LYRM4: variants seen among roughly 807,000 people sequenced by gnomAD.
LYRM4 encodes LYR motif-containing protein 4.
LYRM4 carries 9 observed loss-of-function variants against 11.7 expected under a neutral mutation model. The observed-to-expected ratio is 0.77, with a 90% CI of 0.46 to 1.34. The LOEUF is 1.34. LYRM4 is among the 40% of genes most tolerant of loss of function. The pLI is 0.00. For synonymous variants in LYRM4, 42 were observed against 40.4 expected (o/e 1.04, Z -0.15); for missense variants, 133 against 112.5 (o/e 1.18, Z -0.82).
At chr6:5,131,666 C>T (rs9502276) in intron 2 of LYRM4, among the ~76,000 whole-genome samples, 18,078 of 151,968 alleles carry the variant, frequency 0.12, 1,262 homozygotes, top group South Asian at 0.32. Context: ...AGGCTCAAAC[C>T]AGTAGATATT....
the LYRM4 span, among the ~76,000 whole-genome samples, chr6:5,083,752 A>G: frequency 6.6e-6 from 1 of 152,208 alleles, no homozygotes; most frequent in Non-Finnish European, 1.5e-5. Context: ...CAACATGGCT[A>G]AAACCCTGGC....
intron 2 of LYRM4, among the ~76,000 whole-genome samples, chr6:5,161,854 T>G (rs1287710293): frequency 6.6e-6 from 1 of 152,118 alleles, no homozygotes; most frequent in African/African-American, 2.4e-5. Flanking sequence ...TTGCAAGAGC[T>G]CTCTCTGCTG....
intron 2 of LYRM4, among the ~76,000 whole-genome samples, chr6:5,156,880 A>G (rs1365609241): frequency 6.6e-6 from 1 of 152,064 alleles, no homozygotes; most frequent in Non-Finnish European, 1.5e-5. Flanking sequence ...AAAGCTTTCA[A>G]ATCACAACAG....
intron 2 of LYRM4, among the ~76,000 whole-genome samples, chr6:5,176,489 G>C (rs1759728813): frequency 6.6e-6 from 1 of 152,190 alleles, no homozygotes; most frequent in Non-Finnish European, 1.5e-5. Context: ...CCTTTGCTGG[G>C]TTCTAAGCTT....
chr6:5,048,082 A>T, the LYRM4 span, among the ~76,000 whole-genome samples: 7 of 152,184 alleles, frequency 4.6e-5, no homozygotes, highest in South Asian at 1.5e-3. Context: ...CTTAGCCTCA[A>T]TGTCTACTAA....
intron 2 of LYRM4, among the ~76,000 whole-genome samples, chr6:5,209,504 AG>A (rs2127715492): frequency 6.6e-6 from 1 of 152,352 alleles, no homozygotes; most frequent in East Asian, 1.9e-4. Flanking sequence ...ATAAAGGTAT[AG>A]GGGAAAGTGC....
At chr6:5,086,684 T>G in the LYRM4 span, 27 of 812,316 alleles carry the variant, frequency 3.3e-5, no homozygotes, top group Non-Finnish European at 4.9e-5. Flanking sequence ...GAGGGGCGCG[T>G]GGAGGGAAAG....
chr6:5,124,906 G>A (rs1176928923), intron 2 of LYRM4, among the ~76,000 whole-genome samples: 1 of 152,250 alleles, frequency 6.6e-6, no homozygotes, highest in Non-Finnish European at 1.5e-5. Flanking sequence ...ACACTGGGTT[G>A]TGAGTATACT....
intron 2 of LYRM4, among the ~76,000 whole-genome samples, chr6:5,156,173 T>C (rs1455663582): frequency 6.6e-6 from 1 of 152,224 alleles, no homozygotes; most frequent in East Asian, 1.9e-4. Context: ...GAAGACTGTG[T>C]TCCAAAGATA....
intron 2 of LYRM4, among the ~76,000 whole-genome samples, chr6:5,171,820 A>G (rs1759446633): frequency 2.0e-5 from 3 of 152,216 alleles, no homozygotes; most frequent in Non-Finnish European, 2.9e-5. Context: ...GCAGATTTAT[A>G]CAGCATCTTT....
intron 2 of LYRM4, among the ~76,000 whole-genome samples, chr6:5,160,013 G>A (rs1279213017): frequency 2.6e-5 from 4 of 151,954 alleles, no homozygotes; most frequent in African/African-American, 7.3e-5. Flanking sequence ...TTCAGCTTAC[G>A]GCTGATCTTC....
At chr6:5,112,976 C>T (rs948763608) in intron 2 of LYRM4, 3 of 174,928 alleles carry the variant, frequency 1.7e-5, no homozygotes, top group African/African-American at 7.2e-5. Context: ...AGGGCCAGAA[C>T]ACAGATGCCA....
chr6:5,117,132 C>T (rs544730401), intron 2 of LYRM4, among the ~76,000 whole-genome samples: 1 of 152,196 alleles, frequency 6.6e-6, no homozygotes, highest in Non-Finnish European at 1.5e-5. Flanking sequence ...CAGTTCCTTC[C>T]CAGGGCCCAA....
chr6:5,200,619 C>T (rs2127704268), intron 2 of LYRM4, among the ~76,000 whole-genome samples: 1 of 152,218 alleles, frequency 6.6e-6, no homozygotes, highest in East Asian at 1.9e-4. Context: ...AAACCAAAGA[C>T]AGCTTGCCCG....
intron 2 of LYRM4, among the ~76,000 whole-genome samples, chr6:5,140,161 C>T (rs894579996): frequency 1.3e-5 from 2 of 150,578 alleles, no homozygotes; most frequent in Admixed American, 6.6e-5. Flanking sequence ...CTGGGAGTCC[C>T]AGGCTGCAGT....
chr6:5,174,536 C>T (rs1321309942), intron 2 of LYRM4, among the ~76,000 whole-genome samples: 1 of 152,162 alleles, frequency 6.6e-6, no homozygotes, highest in East Asian at 1.9e-4. Context: ...TTTGGTGTCA[C>T]TAGGACCTTT....
At chr6:5,209,550 T>C (rs1393983970) in intron 2 of LYRM4, among the ~76,000 whole-genome samples, 1 of 152,240 alleles carries the variant, frequency 6.6e-6, no homozygotes, top group Non-Finnish European at 1.5e-5. Flanking sequence ...ATCCCTGTTC[T>C]ATTAAATGAG....
At chr6:5,095,258 GACCTAA>G in the LYRM4 span, among the ~76,000 whole-genome samples, 1 of 152,100 alleles carries the variant, frequency 6.6e-6, no homozygotes, top group Admixed American at 6.6e-5. Context: ...AGAATTATTT[GACCTAA>G]ACCTGTTACA....
At chr6:5,170,293 T>C (rs1199137256) in intron 2 of LYRM4, among the ~76,000 whole-genome samples, 1 of 152,102 alleles carries the variant, frequency 6.6e-6, no homozygotes, top group East Asian at 1.9e-4. Context: ...CATTAGGAAA[T>C]AGCTAGAAAT....
Sources: allele counts gnomAD v4.1 joint callset (sites outside exome capture counted in the v4.1 genomes callset), GRCh38; gene constraint gnomAD v4.1.1; transcripts MANE v1.5; gene names NCBI Gene and HGNC (gene_info 2026-07-23, HGNC 2026-07-21).